Variants in SLC39A11 observed in about 807,000 individuals in gnomAD.
The protein encoded by SLC39A11 is solute carrier family 39 member 11.
SLC39A11 carries 33 observed loss-of-function variants against 36.1 expected under a neutral mutation model. The observed-to-expected ratio is 0.91, with a 90% CI of 0.69 to 1.22. The LOEUF is 1.22. Ranked by LOEUF, SLC39A11 falls within the 50% of genes most tolerant of loss-of-function variation. The probability of loss-of-function intolerance (pLI) is 0.00; values close to 1 mark genes in which losing one functional copy is unlikely to be tolerated. For synonymous variants in SLC39A11, 166 were observed against 170.3 expected (o/e 0.97, Z 0.20); for missense variants, 432 against 430.3 (o/e 1.00, Z -0.03).
intron 6 of SLC39A11, among the ~76,000 whole-genome samples, chr17:72,778,513 G>A (rs1275472304): frequency 6.6e-6 from 1 of 152,196 alleles, no homozygotes; most frequent in Non-Finnish European, 1.5e-5. Flanking sequence ...TCATTTTCCT[G>A]CTTCCTTAAT....
At chr17:73,004,162 A>AAAAGAAAGAAAGAAAGAAAG (rs1340754890) in intron 4 of SLC39A11, among the ~76,000 whole-genome samples, 13 of 127,750 alleles carry the variant, frequency 1.0e-4, no homozygotes, top group African/African-American at 3.8e-4. Context: ...AAAGAAGGAA[A>AAAAGAAAGAAAGAAAGAAAG]AAAAGAAAGA....
intron 6 of SLC39A11, among the ~76,000 whole-genome samples, chr17:72,737,883 G>C (rs2074500000): frequency 6.6e-6 from 1 of 152,180 alleles, no homozygotes; most frequent in African/African-American, 2.4e-5. Context: ...CTGGGAAAGA[G>C]TCTACCCTGC....
At chr17:72,771,763 A>T (rs752591585) in intron 6 of SLC39A11, among the ~76,000 whole-genome samples, 4 of 152,226 alleles carry the variant, frequency 2.6e-5, no homozygotes, top group African/African-American at 9.6e-5. Context: ...AATGATTTTT[A>T]TCTTTTACAT....
At chr17:73,040,790 GC>G (rs1166820297) in intron 3 of SLC39A11, among the ~76,000 whole-genome samples, 1 of 152,076 alleles carries the variant, frequency 6.6e-6, no homozygotes, top group Admixed American at 6.6e-5. Context: ...TTTGAGACCA[GC>G]CTGGTCAATA....
intron 4 of SLC39A11, among the ~76,000 whole-genome samples, chr17:72,989,821 T>A (rs186183159): frequency 6.6e-6 from 1 of 152,210 alleles, no homozygotes; most frequent in Non-Finnish European, 1.5e-5. Flanking sequence ...CTTCCAGTGA[T>A]GGGCTTCACA....
At chr17:72,916,338 T>C (rs1249324786) in intron 5 of SLC39A11, among the ~76,000 whole-genome samples, 2 of 152,180 alleles carry the variant, frequency 1.3e-5, no homozygotes, top group African/African-American at 4.8e-5. Flanking sequence ...CATACAGCCC[T>C]AACTCTTGCC....
In SLC39A11 at chr17:72,949,144, C is replaced by G. The variant is rs547346942; in HGVS notation, c.307-1269G>C. ...AAATAAAATACCATACACTGGGCAG[C>G]TTTTTTTTTTTTTTTTTTTTTTTTT... On this transcript the variant is annotated intron_variant, in intron 4 of 9. Transcript: ENST00000255559. Among the ~76,000 whole-genome samples the G allele has an allele frequency of 3.9e-3, 141 of 36,516 alleles. 1 individual carries two copies. The East Asian group carries it at 0.042, about 11-fold the overall frequency. The allele number at this position is 36,516 out of a possible 152,430, so 24.0% of individuals were successfully genotyped here. A position where few individuals can be genotyped will look rare whatever the true frequency, so the allele number is the denominator to read the frequency against.
intron 4 of SLC39A11, among the ~76,000 whole-genome samples, chr17:73,006,695 T>C (rs1050558145): frequency 6.6e-6 from 1 of 151,454 alleles, no homozygotes; most frequent in Non-Finnish European, 1.5e-5. Context: ...CACGCACCCC[T>C]ACAAAAATTA....
intron 5 of SLC39A11, among the ~76,000 whole-genome samples, chr17:72,940,654 T>C (rs1228459304): frequency 6.6e-6 from 1 of 152,214 alleles, no homozygotes; most frequent in African/African-American, 2.4e-5. Context: ...ATAGTCTGCA[T>C]TCCCAGCCCA....
intron 3 of SLC39A11, among the ~76,000 whole-genome samples, chr17:73,077,628 C>A (rs945591219): frequency 6.6e-6 from 1 of 152,146 alleles, no homozygotes; most frequent in African/African-American, 2.4e-5. Flanking sequence ...GCATCTGGCT[C>A]AAGGACAATT....
At chr17:72,718,963 G>T (rs1411050289) in intron 7 of SLC39A11, among the ~76,000 whole-genome samples, 1 of 152,034 alleles carries the variant, frequency 6.6e-6, no homozygotes, top group Non-Finnish European at 1.5e-5. Context: ...AATCTACCAG[G>T]TTCAGTGGCT....
Position 72,849,661 on chromosome 17 carries a change from A to T in SLC39A11, c.574T>A (p.Leu192Met). The T allele has an allele frequency of 1.3e-6, 2 of 1,588,666 alleles. No individual in the cohort carries two copies. The highest frequency in any genetic ancestry group is 1.7e-6 in the Non-Finnish European group (2 of 1,170,116). ...GGAACGTTGTGTATAGTGATGGCCA[A>T]GATGAGCAGTGCGATCCTCCTCCAG... ...SSWRRIALLI[L>M]AITIHNVPEG... The change falls in exon 6 of 10, where the codon TTG (leucine) becomes ATG (methionine). Residue 192 changes from leucine to methionine, a missense_variant. Physicochemically the swap from Leu to Met is conservative, Grantham distance 15 (BLOSUM62 2). Transcript: ENST00000255559.
chr17:72,725,813 G>T (rs1158372227), intron 7 of SLC39A11, among the ~76,000 whole-genome samples: 2 of 152,220 alleles, frequency 1.3e-5, no homozygotes, highest in African/African-American at 4.8e-5. Context: ...AGGGTAGTGT[G>T]ATAGGTTCAA....
intron 6 of SLC39A11, among the ~76,000 whole-genome samples, chr17:72,764,257 C>A (rs1034816259): frequency 1.3e-5 from 2 of 152,104 alleles, no homozygotes; most frequent in African/African-American, 4.8e-5. Context: ...AGGTGGGAGA[C>A]AGCCTGGGGG....
At chr17:73,010,769 C>T (rs908569486) in intron 4 of SLC39A11, among the ~76,000 whole-genome samples, 8 of 152,156 alleles carry the variant, frequency 5.3e-5, no homozygotes, top group African/African-American at 1.9e-4. Context: ...TTCTTTTTGT[C>T]TCCTGCGTGT....
chr17:72,649,828 A>G (rs1035917136), intron 7 of SLC39A11, among the ~76,000 whole-genome samples: 1 of 151,892 alleles, frequency 6.6e-6, no homozygotes, highest in African/African-American at 2.4e-5. Context: ...CCTGACCTCA[A>G]GTGATCTGCC....
chr17:72,720,328 C>T lies in SLC39A11; in HGVS notation c.671+16322G>A, dbSNP rs190747441. ...AAGGCCCCTTATAAAGCACGGAGCT[C>T]TAGAAACAGGAGTAGAAGCAGTGGG... On this transcript the variant is annotated intron_variant, in intron 7 of 9. Transcript: ENST00000255559. Among the ~76,000 whole-genome samples the T allele has an allele frequency of 2.8e-4, 40 of 142,508 alleles. 1 individual carries two copies. The highest frequency in any genetic ancestry group is 1.0e-3 in the African/African-American group (39 of 37,420). The allele number at this position is 142,508 out of a possible 152,430, so 93.5% of individuals were successfully genotyped here. A position where few individuals can be genotyped will look rare whatever the true frequency, so the allele number is the denominator to read the frequency against.
Position 72,878,306 on chromosome 17 carries a change from G to A in SLC39A11, c.431-28502C>T, listed in dbSNP as rs142789271. On this transcript the variant is annotated intron_variant, in intron 5 of 9. Coordinates refer to ENST00000255559, the MANE Select transcript of SLC39A11 (RefSeq NM_139177.4). ...ACTGTCACCTTCTGCTACCATCTTGGAAAGGGTATCTGGATGTTTCACTTC... is the reference window on the plus strand; with the variant it reads ...ACTGTCACCTTCTGCTACCATCTTGAAAAGGGTATCTGGATGTTTCACTTC... Among the ~76,000 whole-genome samples the A allele has an allele frequency of 5.6e-4, 86 of 152,284 alleles. 1 individual carries two copies. Among genetic ancestry groups the A allele is most frequent in the African/African-American group, 2.0e-3 (82 of 41,554 alleles).
chr17:72,937,804 G>C (rs891761013), intron 5 of SLC39A11, among the ~76,000 whole-genome samples: 1 of 152,168 alleles, frequency 6.6e-6, no homozygotes. Context: ...GGCAGAAACC[G>C]CTAGGTGAGC....
Sources: allele counts gnomAD v4.1 joint callset (sites outside exome capture counted in the v4.1 genomes callset), GRCh38; gene constraint gnomAD v4.1.1; transcripts MANE v1.5; gene names NCBI Gene and HGNC (gene_info 2026-07-23, HGNC 2026-07-21).